RP1: variants seen among roughly 807,000 people sequenced by gnomAD.
The protein encoded by RP1 is oxygen-regulated protein 1.
In RP1, 16 loss-of-function variants were observed where a neutral mutation model predicts 14.8. The ratio of observed to expected loss-of-function variants is 1.08; its 90% CI spans 0.73 to 1.65. The LOEUF (loss-of-function observed/expected upper bound fraction) is 1.65, where lower values mean the gene tolerates loss of function less well. Among genes scored for constraint, RP1 ranks in the 40% most tolerant of loss-of-function variants. The probability of loss-of-function intolerance (pLI) is 0.00; values close to 1 mark genes in which losing one functional copy is unlikely to be tolerated. For missense variants in RP1, 2,631 were observed against 2,535.0 expected (o/e 1.04, Z -0.81); for synonymous variants, 876 against 883.6 (o/e 0.99, Z 0.15).
At chr8:54,748,325 C>T (rs992282526) in intron 19 of RP1, among the ~76,000 whole-genome samples, 2 of 152,158 alleles carry the variant, frequency 1.3e-5, no homozygotes, top group African/African-American at 4.8e-5. Context: ...TGAAGATTTT[C>T]TAGTTCAGTG....
intron 24 of RP1, among the ~76,000 whole-genome samples, chr8:54,822,408 G>A (rs1182793245): frequency 6.6e-6 from 1 of 151,868 alleles, no homozygotes; most frequent in Non-Finnish European, 1.5e-5. Flanking sequence ...TTTATTACCT[G>A]GAATATGAAA....
intron 17 of RP1, chr8:54,734,520 C>A (rs766125437): frequency 1.3e-6 from 2 of 1,519,090 alleles, no homozygotes; most frequent in Non-Finnish European, 1.8e-6. Flanking sequence ...ATCTGATCTG[C>A]CACTAATGCT....
intron 18 of RP1, among the ~76,000 whole-genome samples, chr8:54,735,833 A>G (rs930943645): frequency 6.6e-6 from 1 of 152,220 alleles, no homozygotes; most frequent in South Asian, 2.1e-4. Context: ...TAATTTTCTC[A>G]TAATATACCT....
chr8:54,751,762 T>C (rs1333410310), intron 19 of RP1, among the ~76,000 whole-genome samples: 1 of 152,240 alleles, frequency 6.6e-6, no homozygotes, highest in Admixed American at 6.5e-5. Context: ...ATTTAACGGT[T>C]GAAAAAATAT....
At chr8:54,749,215 C>T (rs1338074856) in intron 19 of RP1, among the ~76,000 whole-genome samples, 2 of 151,902 alleles carry the variant, frequency 1.3e-5, no homozygotes, top group African/African-American at 2.4e-5. Flanking sequence ...CCTGTAGTCC[C>T]AGCTACTTGG....
chr8:54,703,980 A>T (rs919216773), intron 14 of RP1, among the ~76,000 whole-genome samples: 4 of 152,188 alleles, frequency 2.6e-5, no homozygotes, highest in Non-Finnish European at 5.9e-5. Context: ...GCTTTGGCTA[A>T]GGGAACATTG....
At chr8:54,789,073 AG>A (rs1166126057) in intron 24 of RP1, among the ~76,000 whole-genome samples, 1 of 152,160 alleles carries the variant, frequency 6.6e-6, no homozygotes, top group Non-Finnish European at 1.5e-5. Flanking sequence ...TTTCCCCTAC[AG>A]GGTATACTGA....
In RP1 at chr8:54,626,753, C is replaced by T. The variant is rs1215072465; in HGVS notation, c.2871C>T (p.Pro957=). 2 of 1,613,592 alleles carry T rather than the reference C, an allele frequency of 1.2e-6. No homozygotes were observed. The highest frequency in any genetic ancestry group is 2.2e-5 in the East Asian group (1 of 44,854). ...ATAATAGTTTTTCAGGGAATGATCC[C>T]CATACAAATTCTGGAAAAATAAGTA... is the stretch of plus-strand genomic sequence containing the variant. ...CSNNSFSGND[P]HTNSGKISNF... is the part of the protein sequence containing the mutation. The change falls in exon 4 of 4, where the codon CCC becomes CCT. Residue 957 remains proline (P), a synonymous_variant. Coordinates refer to ENST00000220676, the MANE Select transcript of RP1 (RefSeq NM_006269.2).
chr8:54,863,649 T>C (rs550807479), intron 27 of RP1, among the ~76,000 whole-genome samples: 7 of 152,356 alleles, frequency 4.6e-5, no homozygotes, highest in Admixed American at 2.0e-4. Context: ...AAGTCATCTT[T>C]ATTTTATACA....
At chr8:54,615,669 A>G (rs968353545), upstream of RP1, among the ~76,000 whole-genome samples, 2 of 152,242 alleles carry the variant, frequency 1.3e-5, no homozygotes, top group African/African-American at 4.8e-5. Context: ...CAATGAGGTA[A>G]TAAGCAAGAG....
intron 23 of RP1, chr8:54,780,835 T>C (rs1283518734): frequency 1.1e-5 from 8 of 710,882 alleles, no homozygotes; most frequent in Non-Finnish European, 1.4e-5. Context: ...GAGGAACAAC[T>C]GTAGGCTGAA....
intron 6 of RP1, chr8:54,656,293 C>T: frequency 7.2e-7 from 1 of 1,392,088 alleles, no homozygotes; most frequent in South Asian, 1.4e-5. Flanking sequence ...CCAATAAACA[C>T]ATGTTGAGTA....
In RP1 at chr8:54,626,649, A is replaced by G; in HGVS notation, c.2767A>G (p.Ile923Val). 1 of 1,613,946 alleles carries G rather than the reference A, an allele frequency of 6.2e-7. No individual in the cohort carries two copies. The highest frequency in any genetic ancestry group is 8.5e-7 in the Non-Finnish European group (1 of 1,179,926). ...QNYIQSWLQN[I>V]NPYPTLKPIK... ...TTATATACAGAGTTGGTTGCAGAAC[A>G]TAAATCCATATCCAACTTTAAAGCC... Residue 923 changes from isoleucine to valine, a missense_variant, in exon 4 of 4, where the codon ATA becomes GTA. Transcript: ENST00000220676.
chr8:54,676,146 A>C (rs1168230911), intron 8 of RP1, among the ~76,000 whole-genome samples: 1 of 152,168 alleles, frequency 6.6e-6, no homozygotes, highest in African/African-American at 2.4e-5. Context: ...GATGAATTTT[A>C]GGGGGACAAG....
At chr8:54,768,762 C>G (rs1213170989) in intron 22 of RP1, among the ~76,000 whole-genome samples, 2 of 152,150 alleles carry the variant, frequency 1.3e-5, no homozygotes, top group Admixed American at 1.3e-4. Context: ...CCAATCTTGA[C>G]CTTTTCTTCA....
intron 12 of RP1, among the ~76,000 whole-genome samples, chr8:54,690,812 T>C (rs1469369112): frequency 1.3e-5 from 2 of 152,032 alleles, no homozygotes. Context: ...AGTGTTGTAC[T>C]GCATGTGGTT....
At chr8:54,577,465 A>G (rs1018874278) in intron 1 of RP1, among the ~76,000 whole-genome samples, 1 of 152,218 alleles carries the variant, frequency 6.6e-6, no homozygotes, top group African/African-American at 2.4e-5. Context: ...CTAAAAAAAG[A>G]ATATGCCTTC....
intron 16 of RP1, among the ~76,000 whole-genome samples, chr8:54,720,665 AT>A (rs895855885): frequency 2.1e-4 from 32 of 152,228 alleles, no homozygotes; most frequent in African/African-American, 7.0e-4. Flanking sequence ...ATTCATTGCT[AT>A]TAATTTTTAA....
chr8:54,834,091 C>G lies in RP1; in HGVS notation c.3616-3359C>G, dbSNP rs114729484. ...GGAGTTAAGGGTCTAGTGGGGAATG[C>G]TAAAAATGAACAAAGGACTTAAGAC... On this transcript the variant is annotated intron_variant, in intron 24 of 28. Transcript: ENST00000637698. 1.4e-4 allele frequency among the ~76,000 whole-genome samples: 22 copies of G among 151,972 alleles called. No individual in the cohort carries two copies. In the East Asian group the frequency reaches 3.7e-3, roughly 25 times the overall value.
Sources: allele counts gnomAD v4.1 joint callset (sites outside exome capture counted in the v4.1 genomes callset), GRCh38; gene constraint gnomAD v4.1.1; transcripts MANE v1.5; gene names NCBI Gene and HGNC (gene_info 2026-07-23, HGNC 2026-07-21).